The following PKIA variants were observed in gnomAD, a reference collection of about 807,000 sequenced individuals.
PKIA encodes the protein PKI-alpha.
In PKIA, 4 loss-of-function variants were observed where a neutral mutation model predicts 7.6. The ratio of observed to expected loss-of-function variants is 0.52; its 90% CI spans 0.26 to 1.20. The LOEUF (loss-of-function observed/expected upper bound fraction) is 1.20. Ranked by LOEUF, PKIA falls within the 50% of genes most tolerant of loss-of-function variation. The pLI is 0.13. For missense variants in PKIA, 73 were observed against 86.2 expected (o/e 0.85, Z 0.61); for synonymous variants, 21 against 30.7 (o/e 0.68, Z 1.04).
intron 2 of PKIA, among the ~76,000 whole-genome samples, chr8:78,582,200 A>AT (rs1053885133): frequency 2.4e-5 from 3 of 123,504 alleles, no homozygotes; most frequent in African/African-American, 9.2e-5. Flanking sequence ...AGGCTTTGGG[A>AT]TTTTTTTTCT....
intron 2 of PKIA, among the ~76,000 whole-genome samples, chr8:78,596,431 A>G (rs147442347): frequency 0.1 from 15,844 of 151,752 alleles, 1,002 homozygotes; most frequent in African/African-American, 0.17. Context: ...GTAGAGACGG[A>G]TTTCACCATG....
chr8:78,601,668 A>C (rs1808350031), intron 3 of PKIA, 74 bp from the exon 4 acceptor site: 2 of 1,054,606 alleles, frequency 1.9e-6, no homozygotes, highest in African/African-American at 3.1e-5. Context: ...TACCAATATG[A>C]CATATTGACA....
intron 1 of PKIA, among the ~76,000 whole-genome samples, chr8:78,531,568 CATT>C (rs1244718673): frequency 6.6e-6 from 1 of 152,042 alleles, no homozygotes. Context: ...AAAAGGTAGG[CATT>C]ATTATTACCT....
chr8:78,534,364 G>A (rs979193881), intron 1 of PKIA: 2 of 152,048 alleles, frequency 1.3e-5, no homozygotes, highest in South Asian at 2.1e-4. Context: ...CTTTCTTGGC[G>A]GATTAGATGT....
intron 2 of PKIA, among the ~76,000 whole-genome samples, chr8:78,592,153 A>T (rs1022551490): frequency 1.3e-5 from 2 of 152,146 alleles, no homozygotes; most frequent in Admixed American, 1.3e-4. Flanking sequence ...GCAGGTAAAA[A>T]TATCTATTTT....
rs1808372545 is a variant in PKIA at position 78,602,529 on chromosome 8, TTAAGTC to T, written c.*712_*717del. On this transcript the variant is annotated 3_prime_UTR_variant, in exon 4 of 4. Coordinates refer to ENST00000396418, the MANE Select transcript of PKIA (RefSeq NM_006823.4). ...TGCTCATTGTATGTTGATGAGTTGA[TTAAGTC>T]TAACAGATTCATCAAGACTCCATTG... is the stretch of plus-strand genomic sequence containing the variant. The T allele has an allele frequency of 6.6e-6, 1 of 152,282 alleles. No homozygotes were observed. The highest frequency in any genetic ancestry group is 6.6e-5 in the Admixed American group (1 of 15,184). The allele number at this position is 152,282 out of a possible 1,614,324, so 9.4% of individuals were successfully genotyped here.
Position 78,524,492 on chromosome 8 carries a change from G to T in PKIA, c.-157+8024G>T, listed in dbSNP as rs551623389. ...GCAGTGAGTCAAGCTGAGATAAAAT[G>T]GGGCTGATGTTCTTAACTATTTGTT... On this transcript the variant is annotated intron_variant, in intron 1 of 3. Coordinates refer to ENST00000396418, the MANE Select transcript of PKIA (RefSeq NM_006823.4). Among the ~76,000 whole-genome samples the T allele has an allele frequency of 1.5e-4, 22 of 151,562 alleles. No individual in the cohort carries two copies. In the East Asian group the frequency reaches 3.9e-3, roughly 27 times the overall value.
chr8:78,586,123 C>T (rs1264750356), intron 2 of PKIA, among the ~76,000 whole-genome samples: 1 of 152,130 alleles, frequency 6.6e-6, no homozygotes, highest in East Asian at 1.9e-4. Flanking sequence ...CCATCTCTGC[C>T]TCAACCTGCC....
intron 1 of PKIA, among the ~76,000 whole-genome samples, chr8:78,555,456 A>G (rs570731553): frequency 6.6e-6 from 1 of 152,210 alleles, no homozygotes; most frequent in South Asian, 2.1e-4. Flanking sequence ...GCTAGGCATC[A>G]GAACTTTTTG....
intron 2 of PKIA, among the ~76,000 whole-genome samples, chr8:78,578,966 A>G (rs1403712757): frequency 6.6e-6 from 1 of 152,086 alleles, no homozygotes; most frequent in Non-Finnish European, 1.5e-5. Context: ...GAATTAGCAA[A>G]TACAATGAAA....
At chr8:78,587,138 A>G in intron 2 of PKIA, among the ~76,000 whole-genome samples, 1 of 152,220 alleles carries the variant, frequency 6.6e-6, no homozygotes, top group African/African-American at 2.4e-5. Flanking sequence ...TAACTGTGTC[A>G]GTGTTCTAAT....
intron 1 of PKIA, among the ~76,000 whole-genome samples, chr8:78,550,428 T>C (rs1806954158): frequency 6.6e-6 from 1 of 152,140 alleles, no homozygotes; most frequent in Non-Finnish European, 1.5e-5. Flanking sequence ...TTCCAAGTTT[T>C]CTAAAGTAAG....
chr8:78,564,498 A>G (rs1483997230), intron 1 of PKIA, among the ~76,000 whole-genome samples: 2 of 152,050 alleles, frequency 1.3e-5, no homozygotes, highest in Non-Finnish European at 1.5e-5. Flanking sequence ...TATCAAAATC[A>G]GTAATCACAT....
chr8:78,533,899 C>T (rs1806452644), intron 1 of PKIA: 1 of 151,696 alleles, frequency 6.6e-6, no homozygotes, highest in Non-Finnish European at 1.5e-5. Context: ...AAATTGCATG[C>T]AAAAAAACTC....
chr8:78,534,731 A>T (rs1806476073), intron 1 of PKIA: 2 of 152,166 alleles, frequency 1.3e-5, no homozygotes, highest in Non-Finnish European at 2.9e-5. Flanking sequence ...CAGGGAGTTA[A>T]GTAGCATTTG....
At chr8:78,526,931 G>T (rs1396300182) in intron 1 of PKIA, among the ~76,000 whole-genome samples, 1 of 151,898 alleles carries the variant, frequency 6.6e-6, no homozygotes, top group Non-Finnish European at 1.5e-5. Flanking sequence ...TTCTTATATG[G>T]ATTTCTGTTA....
intron 2 of PKIA, among the ~76,000 whole-genome samples, chr8:78,578,963 C>A (rs965203483): frequency 6.6e-6 from 1 of 152,022 alleles, no homozygotes; most frequent in Non-Finnish European, 1.5e-5. Flanking sequence ...TCAGAATTAG[C>A]AAATACAATG....
At chr8:78,588,740 A>G (rs1046012829) in intron 2 of PKIA, among the ~76,000 whole-genome samples, 2 of 152,146 alleles carry the variant, frequency 1.3e-5, no homozygotes, top group African/African-American at 4.8e-5. Flanking sequence ...TACAAGGGGA[A>G]TTAAAAATAA....
chr8:78,542,658 T>C (rs1420777578), intron 1 of PKIA, among the ~76,000 whole-genome samples: 1 of 152,150 alleles, frequency 6.6e-6, no homozygotes, highest in Non-Finnish European at 1.5e-5. Flanking sequence ...GTTTCATTTT[T>C]CTTCCTATTA....
Sources: gnomAD v4.1 joint callset for allele counts (sites outside exome capture counted in the v4.1 genomes callset) on GRCh38, gnomAD v4.1.1 for gene constraint, MANE v1.5 for transcripts, NCBI Gene and HGNC (gene_info 2026-07-23, HGNC 2026-07-21) for gene names.